Variants in METTL24 observed in about 807,000 individuals in gnomAD.
METTL24 encodes the protein methyltransferase like 24, also known as probable methyltransferase-like protein 24.
A neutral mutation model predicts 32.7 loss-of-function variants in METTL24; 29 were observed. The ratio of observed to expected loss-of-function variants is 0.89; its 90% confidence interval spans 0.66 to 1.21. The LOEUF is 1.21. Among genes scored for constraint, METTL24 ranks in the 50% most tolerant of loss-of-function variants. The pLI is 0.00. For missense variants in METTL24, 439 were observed against 468.1 expected, an observed-to-expected ratio of 0.94 and a Z score of 0.57; for synonymous variants, 163 against 179.5, an observed-to-expected ratio of 0.91 and a Z score of 0.73.
At chr6:110,354,588 C>T (rs1050060556) in intron 1 of METTL24, among the ~76,000 whole-genome samples, 5 of 152,194 alleles carry the variant, frequency 3.3e-5, no homozygotes, top group African/African-American at 1.2e-4. Context: ...TAACAAATAG[C>T]TTCCTAATTT....
intron 4 of METTL24, among the ~76,000 whole-genome samples, chr6:110,247,999 C>T (rs1778200479): frequency 6.6e-6 from 1 of 152,060 alleles, no homozygotes. Flanking sequence ...GTGCTGTCCT[C>T]GAGATAGTGA....
intron 1 of METTL24, among the ~76,000 whole-genome samples, chr6:110,350,282 T>C (rs1452989808): frequency 6.6e-6 from 1 of 152,188 alleles, no homozygotes; most frequent in East Asian, 1.9e-4. Context: ...ATTTTAGTCA[T>C]AATCAACTTC....
At chr6:110,264,311 G>T (rs1770812379) in intron 4 of METTL24, among the ~76,000 whole-genome samples, 2 of 152,208 alleles carry the variant, frequency 1.3e-5, no homozygotes. Flanking sequence ...AGTGGGGAAA[G>T]GATATGAACA....
chr6:110,273,026 T>C (rs182709351), intron 4 of METTL24, among the ~76,000 whole-genome samples: 1 of 152,306 alleles, frequency 6.6e-6, no homozygotes, highest in Non-Finnish European at 1.5e-5. Flanking sequence ...TTCTTAGTCA[T>C]GAATTCTTTG....
intron 1 of METTL24, among the ~76,000 whole-genome samples, chr6:110,333,875 A>G (rs1044810858): frequency 8.6e-5 from 13 of 152,030 alleles, no homozygotes; most frequent in African/African-American, 2.4e-5. Flanking sequence ...ACATTACTTT[A>G]TTTATACTTT....
At chr6:110,262,452 C>A (rs1770754099) in intron 4 of METTL24, among the ~76,000 whole-genome samples, 1 of 152,058 alleles carries the variant, frequency 6.6e-6, no homozygotes, top group African/African-American at 2.4e-5. Context: ...CAATAACAGG[C>A]TCTGAAATTG....
In METTL24 at chr6:110,245,789, C is replaced by T. The variant is rs1778144823; in HGVS notation, c.*157G>A. On this transcript the variant is annotated 3_prime_UTR_variant, in exon 5 of 5. Coordinates refer to ENST00000338882, the MANE Select transcript of METTL24 (RefSeq NM_001123364.3). ...AACAAGTATTGACTGTGCCCCATCA[C>T]ATGCCAAGCACTAGGCTGCATGCCC... The T allele has an allele frequency of 1.5e-6, 1 of 681,186 alleles. No homozygotes were observed. Among genetic ancestry groups the T allele is most frequent in the Non-Finnish European group, 2.5e-6 (1 of 398,834 alleles). The allele number at this position is 681,186 out of a possible 1,614,324, so 42.2% of individuals were successfully genotyped here. A position where few individuals can be genotyped will look rare whatever the true frequency, so the allele number is the denominator to read the frequency against.
At chr6:110,347,998 A>C (rs958953607) in intron 1 of METTL24, among the ~76,000 whole-genome samples, 5 of 152,222 alleles carry the variant, frequency 3.3e-5, no homozygotes, top group African/African-American at 1.2e-4. Context: ...AAGAATAATA[A>C]AATAAATATT....
chr6:110,343,284 C>G (rs1251910145), intron 1 of METTL24, among the ~76,000 whole-genome samples: 3 of 152,218 alleles, frequency 2.0e-5, no homozygotes, highest in Non-Finnish European at 4.4e-5. Flanking sequence ...TATATTTCCC[C>G]TGTACCATAA....
intron 3 of METTL24, among the ~76,000 whole-genome samples, chr6:110,306,976 G>A (rs1298046902): frequency 6.6e-6 from 1 of 152,216 alleles, no homozygotes; most frequent in African/African-American, 2.4e-5. Context: ...AAAGGGCTAT[G>A]TCAATCTTGC....
At position 110,353,104 on chromosome 6, in the gene METTL24, G is replaced by A. The variant is rs537198023; in HGVS notation, c.318+4851C>T. Among the ~76,000 whole-genome samples, 5 of 152,280 alleles carry A rather than the reference G, an allele frequency of 3.3e-5. No homozygotes were observed. The South Asian group carries it at 8.3e-4, about 25-fold the overall frequency. On this transcript the variant is annotated intron_variant, in intron 1 of 4. Transcript: ENST00000338882. The stretch of plus-strand genomic sequence containing the variant: ...GTGCAGGCCTCTATTCTTCATCCAC[G>A]ACACATCAAAGTTGTAATAAAAACC...
At chr6:110,265,876 T>TTCC (rs1299174217) in intron 4 of METTL24, among the ~76,000 whole-genome samples, 31 of 115,658 alleles carry the variant, frequency 2.7e-4, no homozygotes, top group East Asian at 4.6e-4. Flanking sequence ...CTCCTCCTCC[T>TTCC]TCTTCCTCTT....
chr6:110,271,152 G>A (rs117240873), intron 4 of METTL24, among the ~76,000 whole-genome samples: 1,725 of 152,062 alleles, frequency 0.011, 12 homozygotes, highest in Non-Finnish European at 0.018. Context: ...GAGCCACCGC[G>A]TCCAGCCATC....
intron 1 of METTL24, among the ~76,000 whole-genome samples, chr6:110,336,347 A>G (rs928372479): frequency 2.0e-5 from 3 of 152,220 alleles, no homozygotes; most frequent in African/African-American, 7.2e-5. Context: ...ATTTTAATCC[A>G]CTGAAATTTG....
chr6:110,265,854 C>G (rs2114704519), intron 4 of METTL24, among the ~76,000 whole-genome samples: 1 of 151,766 alleles, frequency 6.6e-6, no homozygotes, highest in South Asian at 2.1e-4. Flanking sequence ...CCTCCTCTTC[C>G]TCTTCCTCCT....
intron 2 of METTL24, among the ~76,000 whole-genome samples, chr6:110,319,837 A>G (rs1582423469): frequency 6.6e-6 from 1 of 152,152 alleles, no homozygotes; most frequent in Non-Finnish European, 1.5e-5. Flanking sequence ...CAGGACCACA[A>G]TGCACAAGTC....
chr6:110,310,046 C>G (rs1771693339), intron 3 of METTL24, among the ~76,000 whole-genome samples: 1 of 152,128 alleles, frequency 6.6e-6, no homozygotes, highest in Admixed American at 6.5e-5. Flanking sequence ...CCATGGTTTT[C>G]ACATACACTA....
chr6:110,331,078 G>T (rs1257977443), intron 1 of METTL24, among the ~76,000 whole-genome samples: 1 of 152,306 alleles, frequency 6.6e-6, no homozygotes, highest in South Asian at 2.1e-4. Flanking sequence ...GAAATAGGAA[G>T]CATAGGGAGC....
At chr6:110,251,105 A>G (rs749751183) in intron 4 of METTL24, among the ~76,000 whole-genome samples, 16 of 152,190 alleles carry the variant, frequency 1.1e-4, no homozygotes, top group Non-Finnish European at 2.1e-4. Context: ...GGTCAAGCAA[A>G]TTGCAAGTCT....
Sources: gnomAD v4.1 joint callset for allele counts (sites outside exome capture counted in the v4.1 genomes callset) on GRCh38, gnomAD v4.1.1 for gene constraint, MANE v1.5 for transcripts, NCBI Gene and HGNC (gene_info 2026-07-23, HGNC 2026-07-21) for gene names.